The following UNC5D variants were observed in gnomAD, a reference collection of about 807,000 sequenced individuals.
The protein encoded by UNC5D is unc-5 netrin receptor D.
A neutral mutation model predicts 105.4 loss-of-function variants in UNC5D; 39 were observed. The observed-to-expected ratio is 0.37, with a 90% CI of 0.29 to 0.48. The LOEUF (loss-of-function observed/expected upper bound fraction) is 0.48, where lower values mean the gene tolerates loss of function less well. Among genes scored for constraint, UNC5D ranks in the 20% least tolerant of loss-of-function variants. The pLI is 0.98. For synonymous variants in UNC5D, 452 were observed against 450.4 expected (o/e 1.00, Z -0.04); for missense variants, 991 against 1,202.4 (o/e 0.82, Z 2.60).
At chr8:35,617,988 C>T (rs920730466) in intron 4 of UNC5D, among the ~76,000 whole-genome samples, 3 of 152,222 alleles carry the variant, frequency 2.0e-5, no homozygotes, top group Admixed American at 6.5e-5. Context: ...GGGCTGCCAG[C>T]ACTGGCCCTT....
chr8:35,370,282 T>C (rs1802355049), intron 1 of UNC5D, among the ~76,000 whole-genome samples: 1 of 152,300 alleles, frequency 6.6e-6, no homozygotes, highest in Middle Eastern at 3.4e-3. Context: ...CCGTGGCATA[T>C]GGCAATGCTA....
intron 7 of UNC5D, among the ~76,000 whole-genome samples, chr8:35,701,486 T>C (rs911435607): frequency 3.3e-5 from 5 of 152,094 alleles, no homozygotes; most frequent in Non-Finnish European, 7.4e-5. Context: ...GATGATGTTA[T>C]AAATAGCTGC....
chr8:35,416,876 C>G (rs75436910), intron 1 of UNC5D, among the ~76,000 whole-genome samples: 2 of 152,126 alleles, frequency 1.3e-5, no homozygotes, highest in Non-Finnish European at 2.9e-5. Flanking sequence ...TGAGATGATA[C>G]TTGGCTATTT....
chr8:35,477,088 A>T (rs942983861), intron 1 of UNC5D, among the ~76,000 whole-genome samples: 10 of 152,136 alleles, frequency 6.6e-5, no homozygotes, highest in African/African-American at 2.4e-4. Flanking sequence ...GATGTGCTGT[A>T]CTTGAAAAGA....
At chr8:35,457,798 A>G (rs1362366763) in intron 1 of UNC5D, among the ~76,000 whole-genome samples, 1 of 152,178 alleles carries the variant, frequency 6.6e-6, no homozygotes, top group Non-Finnish European at 1.5e-5. Flanking sequence ...ACTAGATCTT[A>G]CTTTCCCTCA....
At chr8:35,385,741 AG>A (rs767170380) in intron 1 of UNC5D, among the ~76,000 whole-genome samples, 97 of 152,246 alleles carry the variant, frequency 6.4e-4, no homozygotes, top group Middle Eastern at 3.4e-3. Context: ...CTGGGATTAC[AG>A]GCGTGAACCC....
chr8:35,271,672 T>G, intron 1 of UNC5D, among the ~76,000 whole-genome samples: 1 of 50,444 alleles, frequency 2.0e-5, no homozygotes. Flanking sequence ...TATACAGGTA[T>G]ACATATATAT....
At chr8:35,482,099 T>G (rs919373058) in intron 1 of UNC5D, among the ~76,000 whole-genome samples, 8 of 152,214 alleles carry the variant, frequency 5.3e-5, no homozygotes, top group African/African-American at 1.9e-4. Context: ...AGGGTCAAAC[T>G]ATATAAATTT....
Position 35,487,566 on chromosome 8 carries a change from TACAC to T in UNC5D, c.104-61701_104-61698del, listed in dbSNP as rs3048025. On this transcript the variant is annotated intron_variant, in intron 1 of 16. Transcript: ENST00000404895. The stretch of plus-strand genomic sequence containing the variant: ...ATCTCTCTGTCTCTCTCTCTCTCTG[TACAC>T]ACACACACACACACACACACACACC... Among the ~76,000 whole-genome samples, 32 of 112,946 alleles carry T rather than the reference TACAC, an allele frequency of 2.8e-4. 1 individual carries two copies. Among genetic ancestry groups the T allele is most frequent in the East Asian group, 1.5e-3 (4 of 2,756 alleles). 74.1% of individuals were successfully genotyped at this position (112,946 alleles called of 152,430 possible). A position where few individuals can be genotyped will look rare whatever the true frequency, so the allele number is the denominator to read the frequency against.
intron 1 of UNC5D, among the ~76,000 whole-genome samples, chr8:35,547,109 A>T (rs925855508): frequency 6.6e-6 from 1 of 152,120 alleles, no homozygotes; most frequent in Non-Finnish European, 1.5e-5. Context: ...GTTACATTTA[A>T]GTTTAATTTG....
intron 1 of UNC5D, among the ~76,000 whole-genome samples, chr8:35,460,994 T>A (rs1808846375): frequency 1.3e-5 from 2 of 152,236 alleles, no homozygotes; most frequent in South Asian, 4.1e-4. Flanking sequence ...TACCTTTTTG[T>A]TATTTCATGT....
intron 7 of UNC5D, among the ~76,000 whole-genome samples, chr8:35,693,925 C>T (rs189453984): frequency 1.1e-3 from 172 of 152,064 alleles, no homozygotes; most frequent in African/African-American, 3.9e-3. Flanking sequence ...TAAGTAAGGG[C>T]CCTAAAACTG....
intron 1 of UNC5D, among the ~76,000 whole-genome samples, chr8:35,309,537 C>T (rs1808712723): frequency 6.6e-6 from 1 of 152,146 alleles, no homozygotes; most frequent in African/African-American, 2.4e-5. Flanking sequence ...GTGTAAGTCT[C>T]CTTTGAAACA....
chr8:35,717,144 T>C (rs1361271021), intron 8 of UNC5D, among the ~76,000 whole-genome samples: 1 of 152,206 alleles, frequency 6.6e-6, no homozygotes, highest in Non-Finnish European at 1.5e-5. Flanking sequence ...TGTTTGTTTT[T>C]CTGAAATGGG....
chr8:35,566,309 C>A (rs1033823853), intron 2 of UNC5D, among the ~76,000 whole-genome samples: 16 of 152,144 alleles, frequency 1.1e-4, no homozygotes, highest in Non-Finnish European at 2.9e-5. Flanking sequence ...CCCAGCCTGA[C>A]TAATCCTACA....
At chr8:35,322,029 C>T (rs1464125527) in intron 1 of UNC5D, among the ~76,000 whole-genome samples, 1 of 152,172 alleles carries the variant, frequency 6.6e-6, no homozygotes, top group Non-Finnish European at 1.5e-5. Flanking sequence ...GTAAAATGCT[C>T]AGCCCAGTGA....
intron 1 of UNC5D, among the ~76,000 whole-genome samples, chr8:35,353,605 G>T (rs1383831158): frequency 6.6e-6 from 1 of 152,044 alleles, no homozygotes; most frequent in African/African-American, 2.4e-5. Context: ...CAACATTGTT[G>T]GTAAAAAGCA....
intron 4 of UNC5D, among the ~76,000 whole-genome samples, chr8:35,672,643 CT>C (rs1288585536): frequency 6.6e-6 from 1 of 152,158 alleles, no homozygotes; most frequent in African/African-American, 2.4e-5. Flanking sequence ...TACAAGCTGT[CT>C]TTTGATTACA....
intron 16 of UNC5D, among the ~76,000 whole-genome samples, chr8:35,778,855 AGATCTGAATAG>A (rs1258157731): frequency 6.6e-6 from 1 of 152,234 alleles, no homozygotes; most frequent in African/African-American, 2.4e-5. Flanking sequence ...GTTTCTACTT[AGATCTGAATAG>A]GAAGGAAAAG....
Sources: gnomAD v4.1 joint callset for allele counts (sites outside exome capture counted in the v4.1 genomes callset) on GRCh38, gnomAD v4.1.1 for gene constraint, MANE v1.5 for transcripts, NCBI Gene and HGNC (gene_info 2026-07-23, HGNC 2026-07-21) for gene names.